NEB: variants seen among roughly 807,000 people sequenced by gnomAD.
The protein encoded by NEB is nemaline myopathy type 2.
NEB carries 512 observed loss-of-function variants against 952.2 expected under a neutral mutation model. The observed-to-expected ratio is 0.54, with a 90% confidence interval of 0.50 to 0.58. NEB has a LOEUF of 0.58. NEB is among the 20% of genes least tolerant of loss of function. The pLI, the probability that NEB is intolerant of heterozygous loss-of-function variation, is 0.00. For synonymous variants in NEB, 2,900 were observed against 3,149.8 expected (o/e 0.92, Z 2.66); for missense variants, 8,428 against 9,231.1 (o/e 0.91, Z 3.56).
chr2:151,686,220 C>G (rs1173206909), intron 27 of NEB, among the ~76,000 whole-genome samples: 1 of 152,088 alleles, frequency 6.6e-6, no homozygotes, highest in Non-Finnish European at 1.5e-5. Context: ...AAAATGTTGT[C>G]AAAGATCCAA....
intron 181 of NEB, among the ~76,000 whole-genome samples, chr2:151,487,321 G>A (rs2051550245): frequency 6.6e-6 from 1 of 152,170 alleles, no homozygotes; most frequent in Non-Finnish European, 1.5e-5. Context: ...TTTCTTCCTA[G>A]GAGCAGCCAC....
intron 161 of NEB, among the ~76,000 whole-genome samples, chr2:151,511,105 C>T (rs888731084): frequency 6.6e-6 from 1 of 152,216 alleles, no homozygotes; most frequent in African/African-American, 2.4e-5. Context: ...GATAGGTCCA[C>T]ATGCTGAAGC....
intron 71 of NEB, among the ~76,000 whole-genome samples, chr2:151,622,489 C>T (rs1294693429): frequency 6.6e-5 from 10 of 152,100 alleles, no homozygotes; most frequent in Admixed American, 6.6e-4. Flanking sequence ...AGAAAAGTTG[C>T]AAGAATGCTA....
intron 48 of NEB, among the ~76,000 whole-genome samples, chr2:151,657,147 A>T (rs558098358): frequency 2.0e-5 from 3 of 152,252 alleles, no homozygotes; most frequent in African/African-American, 7.2e-5. Context: ...GGTAGAAGCT[A>T]GTAGAGCCAA....
At chr2:151,641,756 G>T (rs1310204622) in intron 60 of NEB, among the ~76,000 whole-genome samples, 2 of 151,856 alleles carry the variant, frequency 1.3e-5, no homozygotes, top group African/African-American at 4.8e-5. Context: ...AAAATCTAGA[G>T]TTTTTTTTAT....
chr2:151,665,394 G>A lies in NEB; in HGVS notation c.5177C>T (p.Thr1726Ile), dbSNP rs552140238. ...YRQHPEKLKF[T>I]YAMDTMEQAL... ...CTGTTCCATTGTGTCCATGGCGTAA[G>A]TGAACTTCAGCTTCTCGGGGTGCTG... Residue 1726 changes from threonine to isoleucine, a missense_variant, in exon 42 of 182, where the codon ACT becomes ATT. Thr to Ile is a moderately conservative substitution (Grantham distance 89). Around this residue, in one of 11 missense-constraint regions of NEB, gnomAD observed 2,851 missense variants for 2,791.5 expected, o/e 1.02. Transcript: ENST00000397345. The A allele has an allele frequency of 6.8e-6, 11 of 1,613,782 alleles. No homozygotes were observed. In the Admixed American group the frequency reaches 1.8e-4, roughly 27 times the overall value.
Position 151,650,398 on chromosome 2 carries a change from A to C in NEB, c.7228-19T>G. The C allele has an allele frequency of 6.2e-7, 1 of 1,608,654 alleles. No homozygotes were observed. Among genetic ancestry groups the C allele is most frequent in the East Asian group, 2.2e-5 (1 of 44,846 alleles). On this transcript the variant is annotated intron_variant, in intron 53 of 181. Coordinates refer to ENST00000397345, the MANE Select transcript of NEB (RefSeq NM_001164508.2). ...ATAGATTCTGTGAAAAGACAGAGCA[A>C]GCCATCAAAATCCCATTCTCACCTG...
intron 55 of NEB, 102 bp from the exon 56 acceptor site, chr2:151,644,677 T>A (rs948076013): frequency 2.1e-6 from 2 of 939,002 alleles, no homozygotes; most frequent in Admixed American, 2.0e-5. Context: ...GAGAATAGCA[T>A]CTGTGCCCTA....
Position 151,529,250 on chromosome 2 carries a change from T to C in NEB, c.21695A>G (p.His7232Arg), listed in dbSNP as rs1027726165. Residue 7232 changes from histidine to arginine, a missense_variant, in exon 146 of 182, where the codon CAT becomes CGT. Coordinates refer to ENST00000397345, the MANE Select transcript of NEB (RefSeq NM_001164508.2). ...SNCTIEPDAV[H>R]IKAAKDAYKV... ...GTAGGCGTCCTTGGCTGCTTTGATA[T>C]GAACAGCATCTGGCTCAATGGTGCA... The C allele has an allele frequency of 1.2e-6, 2 of 1,613,700 alleles. No individual in the cohort carries two copies. Among genetic ancestry groups the C allele is most frequent in the Non-Finnish European group, 1.7e-6 (2 of 1,179,594 alleles).
At chr2:151,733,522 C>G (rs962877455) in intron 2 of NEB, among the ~76,000 whole-genome samples, 190 bp downstream of exon 2, 1 of 152,114 alleles carries the variant, frequency 6.6e-6, no homozygotes, top group Non-Finnish European at 1.5e-5. Context: ...CATTTTCCAG[C>G]AAAAATTTTA....
chr2:151,704,824 G>T (rs564497323), intron 13 of NEB, among the ~76,000 whole-genome samples: 2 of 152,168 alleles, frequency 1.3e-5, no homozygotes, highest in Admixed American at 6.5e-5. Flanking sequence ...CGTCTTCTGC[G>T]TCGCTCGCTC....
At chr2:151,643,727 T>A in intron 57 of NEB, 91 bp downstream of exon 57, 1 of 1,536,862 alleles carries the variant, frequency 6.5e-7, no homozygotes, top group Non-Finnish European at 8.8e-7. Flanking sequence ...CCAGGGTAAT[T>A]GTGTAAACTC....
chr2:151,576,377 A>G, intron 105 of NEB, 23 bp from the exon 106 acceptor site: 1 of 1,563,150 alleles, frequency 6.4e-7, no homozygotes, highest in Non-Finnish European at 8.7e-7. Context: ...ACACAGGTAG[A>G]AGCAGGGTTT....
Position 151,674,518 on chromosome 2 carries a change from G to GCC in NEB, c.3945_3946insGG (p.Pro1316GlyfsTer45). 6.2e-7 allele frequency: 1 copy of GCC among 1,613,980 alleles called. No individual in the cohort carries two copies. Among genetic ancestry groups the GCC allele is most frequent in the Admixed American group, 1.7e-5 (1 of 60,024 alleles). The stretch of plus-strand genomic sequence containing the variant: ...CTCGATGCCTTGGCTGCAGTGATGG[G>GCC]AATAGCATCGCCCAGCACATTGTTG... On this transcript the variant is annotated frameshift_variant, in exon 36 of 182. Transcript: ENST00000397345. LOFTEE classifies it high-confidence loss of function.
In NEB at chr2:151,677,557, G is replaced by A. The variant is rs994987584; in HGVS notation, c.3774+8C>T. The A allele has an allele frequency of 6.2e-7, 1 of 1,607,664 alleles. No individual in the cohort carries two copies. The highest frequency in any genetic ancestry group is 8.5e-7 in the Non-Finnish European group (1 of 1,175,066). On this transcript the variant is annotated splice_region_variant and intron_variant, in intron 34 of 181. Transcript: ENST00000397345. ...TATCCTCTGTCCTCTCTATTTTATT[G>A]TACTCACATCACTGACTTGCTTCGT...
intron 9 of NEB, among the ~76,000 whole-genome samples, chr2:151,719,644 G>A (rs1399119998): frequency 2.6e-5 from 4 of 152,154 alleles, no homozygotes; most frequent in Non-Finnish European, 5.9e-5. Context: ...CAGCACTTTG[G>A]GAGGCAAAGG....
intron 105 of NEB, among the ~76,000 whole-genome samples, chr2:151,577,158 G>A (rs762009687): frequency 4.6e-5 from 7 of 152,226 alleles, no homozygotes; most frequent in East Asian, 3.9e-4. Flanking sequence ...ATTCAAATCC[G>A]ATGTCACAAC....
rs767119930 is a variant in NEB at position 151,640,629 on chromosome 2, T to C, written c.8411A>G (p.His2804Arg). 6.2e-7 allele frequency: 1 copy of C among 1,613,718 alleles called. No individual in the cohort carries two copies. The highest frequency in any genetic ancestry group is 8.5e-7 in the Non-Finnish European group (1 of 1,179,718). The change falls in exon 61 of 182, where the codon CAC becomes CGC. Residue 2804 changes from histidine (H) to arginine (R), a missense_variant. Around this residue, in one of 11 missense-constraint regions of NEB, gnomAD observed 1,772 missense variants for 1,960.3 expected, o/e 0.90. Coordinates refer to ENST00000397345, the MANE Select transcript of NEB (RefSeq NM_001164508.2). ...YKEGYRKQLG[H>R]HIGARAIRDD... ...ACGTATAGCTCGGGCACCAATGTGG[T>C]GGCCGAGCTGCTTACGATAGCCTTC... is the stretch of plus-strand genomic sequence containing the variant.
In NEB at chr2:151,653,955, A is replaced by G. The variant is rs7596907; in HGVS notation, c.6915+37T>C. 304 of 1,389,582 alleles carry G rather than the reference A, an allele frequency of 2.2e-4. 2 individuals are homozygous for G. In the African/African-American group the frequency reaches 3.2e-3, roughly 14 times the overall value. The allele number at this position is 1,389,582 out of a possible 1,614,324, so 86.1% of individuals were successfully genotyped here. A position where few individuals can be genotyped will look rare whatever the true frequency, so the allele number is the denominator to read the frequency against. On this transcript the variant is annotated intron_variant, in intron 52 of 181. Transcript: ENST00000397345. Reference sequence around the variant, plus strand: ...CGACATTAAGTCACCTGATTCAGATAAAAATATAGCCTTATAGAACTCAAA... The same window carrying G: ...CGACATTAAGTCACCTGATTCAGATGAAAATATAGCCTTATAGAACTCAAA...
Sources: gnomAD v4.1 joint callset for allele counts (sites outside exome capture counted in the v4.1 genomes callset) on GRCh38, gnomAD v4.1.1 for gene constraint, gnomAD v4.1.1 regional missense constraint, MANE v1.5 for transcripts, NCBI Gene and HGNC (gene_info 2026-07-23, HGNC 2026-07-21) for gene names.